Variants in PHF11 observed in about 807,000 individuals in gnomAD.
PHF11 encodes PHD finger protein 11.
A neutral mutation model predicts 40.5 loss-of-function variants in PHF11; 38 were observed. The ratio of observed to expected loss-of-function variants is 0.94; its 90% CI spans 0.72 to 1.23. The LOEUF (loss-of-function observed/expected upper bound fraction) is 1.23. PHF11 is among the 50% of genes most tolerant of loss of function. PHF11 has a pLI of 0.00. For missense variants in PHF11, 369 were observed against 392.4 expected (o/e 0.94, Z 0.50); for synonymous variants, 127 against 138.2 (o/e 0.92, Z 0.57).
chr13:49,521,488 A>G (rs1385374948), intron 5 of PHF11: 1 of 986,440 alleles, frequency 1.0e-6, no homozygotes, highest in Non-Finnish European at 1.2e-6. Context: ...CGTCATGCCA[A>G]CTGCATTTTA....
At chr13:49,508,813 T>C (rs1258326025) in intron 2 of PHF11, among the ~76,000 whole-genome samples, 1 of 152,172 alleles carries the variant, frequency 6.6e-6, no homozygotes, top group Non-Finnish European at 1.5e-5. Context: ...ATAGCGGTGA[T>C]TACAAGCAAT....
intron 9 of PHF11, among the ~76,000 whole-genome samples, chr13:49,527,527 C>T (rs74076058): frequency 0.012 from 1,820 of 152,300 alleles, 31 homozygotes; most frequent in African/African-American, 0.041. Flanking sequence ...GAATTTTTTA[C>T]TACATTTATA....
chr13:49,502,891 T>A (rs778027126), intron 1 of PHF11, among the ~76,000 whole-genome samples: 1 of 149,482 alleles, frequency 6.7e-6, no homozygotes, highest in Non-Finnish European at 1.5e-5. Flanking sequence ...CCTAGCTAAT[T>A]TTTTTTTTTA....
At chr13:49,513,411 A>T (rs868347979) in intron 3 of PHF11, among the ~76,000 whole-genome samples, 9 of 150,418 alleles carry the variant, frequency 6.0e-5, no homozygotes, top group African/African-American at 2.2e-4. Flanking sequence ...GCTCACTGCA[A>T]CCTCCGCCTC....
At chr13:49,504,485 C>G (rs1354086938) in intron 1 of PHF11, among the ~76,000 whole-genome samples, 2 of 63,406 alleles carry the variant, frequency 3.2e-5, no homozygotes, top group African/African-American at 8.0e-5. Context: ...GCCCCCCGCC[C>G]GGCCAGCCGC....
Position 49,496,106 on chromosome 13 carries a change from C to CG in PHF11, c.94+16dup. 1 of 283,050 alleles carries CG rather than the reference C, an allele frequency of 3.5e-6. No homozygotes were observed. The highest frequency in any genetic ancestry group is 5.1e-6 in the Non-Finnish European group (1 of 197,684). The allele number at this position is 283,050 out of a possible 1,614,324, so 17.5% of individuals were successfully genotyped here. On this transcript the variant is annotated intron_variant, in intron 1 of 9. Coordinates refer to ENST00000378319, the MANE Select transcript of PHF11 (RefSeq NM_001040443.3). ...TCCTCCTTCCCACCGGTGTGTACCGCGGGGGCGGGCGGGCGGGCGGGCGGG... is the reference window on the plus strand; with the variant it reads ...TCCTCCTTCCCACCGGTGTGTACCGCGGGGGGCGGGCGGGCGGGCGGGCGGG...
intron 9 of PHF11, among the ~76,000 whole-genome samples, chr13:49,526,771 C>T (rs141687098): frequency 7.9e-5 from 12 of 152,052 alleles, no homozygotes; most frequent in East Asian, 3.8e-4. Flanking sequence ...TATATACACA[C>T]AAATACTTTT....
intron 1 of PHF11, 76 bp from the exon 2 acceptor site, chr13:49,506,559 C>G: frequency 7.4e-7 from 1 of 1,353,100 alleles, no homozygotes. Flanking sequence ...CTGCCTTCCA[C>G]TTGAAGACTG....
chr13:49,528,685 C>A lies in PHF11; in HGVS notation c.*20C>A, dbSNP rs770982730. On this transcript the variant is annotated 3_prime_UTR_variant, in exon 10 of 10. Coordinates refer to ENST00000378319, the MANE Select transcript of PHF11 (RefSeq NM_001040443.3). ...TATTAGGGATTACCGTTTCCTAAGC[C>A]AAGAGTCATGTCAAATTGCAATCAG... 6.4e-7 allele frequency: 1 copy of A among 1,554,684 alleles called. No homozygotes were observed. Among genetic ancestry groups the A allele is most frequent in the Non-Finnish European group, 8.7e-7 (1 of 1,145,414 alleles).
rs945938240 is a variant in PHF11, at chr13:49,513,050, A to T, written c.217-9A>T. The T allele has an allele frequency of 7.2e-7, 1 of 1,395,198 alleles. No homozygotes were observed. Among genetic ancestry groups the T allele is most frequent in the Admixed American group, 1.9e-5 (1 of 52,642 alleles). The allele number at this position is 1,395,198 out of a possible 1,614,324, so 86.4% of individuals were successfully genotyped here. On this transcript the variant is annotated splice_polypyrimidine_tract_variant and intron_variant, in intron 2 of 9. Coordinates refer to ENST00000378319, the MANE Select transcript of PHF11 (RefSeq NM_001040443.3). ...GTGCATACTCTGGATTTTTTTTTCC[A>T]ATCTGCAGCTGTATTCTTCAGGACT...
At chr13:49,504,577 G>A (rs1310480288) in intron 1 of PHF11, among the ~76,000 whole-genome samples, 5 of 130,884 alleles carry the variant, frequency 3.8e-5, no homozygotes, top group African/African-American at 8.8e-5. Context: ...CAGCCGCCCC[G>A]TCCGGGAGGG....
intron 1 of PHF11, among the ~76,000 whole-genome samples, chr13:49,498,236 T>C (rs1450916332): frequency 2.6e-5 from 4 of 152,264 alleles, no homozygotes; most frequent in Non-Finnish European, 4.4e-5. Flanking sequence ...GTTGAAGGAA[T>C]GAATGTACTT....
rs1678736612 is a variant in PHF11 at position 49,528,832 on chromosome 13, TTG to T, written c.*171_*172del. 3.7e-6 allele frequency: 2 copies of T among 542,792 alleles called. No homozygotes were observed. Among genetic ancestry groups the T allele is most frequent in the Non-Finnish European group, 6.5e-6 (2 of 309,466 alleles). The allele number at this position is 542,792 out of a possible 1,614,324, so 33.6% of individuals were successfully genotyped here. A position where few individuals can be genotyped will look rare whatever the true frequency, so the allele number is the denominator to read the frequency against. ...CATTTTGATCACTCTTTGCACACTC[TTG>T]TGTTTTTTGCTCACTGTCACATTCC... On this transcript the variant is annotated 3_prime_UTR_variant, in exon 10 of 10. Coordinates refer to ENST00000378319, the MANE Select transcript of PHF11 (RefSeq NM_001040443.3).
intron 3 of PHF11, among the ~76,000 whole-genome samples, chr13:49,513,540 A>G (rs1460240983): frequency 6.6e-6 from 1 of 152,074 alleles, no homozygotes; most frequent in Non-Finnish European, 1.5e-5. Flanking sequence ...CATGTTGGCC[A>G]GGCTGGTCGC....
rs555836452 is a variant in PHF11, at chr13:49,497,689, C to T, written c.94+1594C>T. 3.9e-5 allele frequency among the ~76,000 whole-genome samples: 6 copies of T among 152,262 alleles called. No individual in the cohort carries two copies. The East Asian group carries it at 1.2e-3, about 29-fold the overall frequency. On this transcript the variant is annotated intron_variant, in intron 1 of 9. Coordinates refer to ENST00000378319, the MANE Select transcript of PHF11 (RefSeq NM_001040443.3). Reference sequence around the variant, plus strand: ...CAAATGTGATTCTCCTACTCAAAACCCACCAATAGTCTCCCATGACTCTCA... The same window carrying T: ...CAAATGTGATTCTCCTACTCAAAACTCACCAATAGTCTCCCATGACTCTCA...
chr13:49,525,075 A>C (rs531086968), intron 8 of PHF11, among the ~76,000 whole-genome samples: 1 of 152,272 alleles, frequency 6.6e-6, no homozygotes, highest in South Asian at 2.1e-4. Flanking sequence ...TAATAAGCCA[A>C]GTGTCCTTTT....
At chr13:49,528,450 T>C in intron 9 of PHF11, 61 bp from the exon 10 acceptor site, 1 of 1,199,422 alleles carries the variant, frequency 8.3e-7, no homozygotes, top group Non-Finnish European at 1.2e-6. Context: ...CTAGAAATGG[T>C]ACATTATTTC....
rs1011487180 is a variant in PHF11 at position 49,497,093 on chromosome 13, G to A, written c.94+998G>A. 5 of 1,284,494 alleles carry A rather than the reference G, an allele frequency of 3.9e-6. No homozygotes were observed. In the Admixed American group the frequency reaches 6.9e-5, roughly 18 times the overall value. 79.6% of individuals were successfully genotyped at this position (1,284,494 alleles called of 1,614,324 possible). Reference sequence around the variant, plus strand: ...CCAAAGGTGGAAAAGTTGAAGGGGTGTTCCCAGCAGAGAGGATGACACAAA... The same window carrying A: ...CCAAAGGTGGAAAAGTTGAAGGGGTATTCCCAGCAGAGAGGATGACACAAA... On this transcript the variant is annotated intron_variant, in intron 1 of 9. Transcript: ENST00000378319.
At chr13:49,498,113 T>C (rs527620835) in intron 1 of PHF11, among the ~76,000 whole-genome samples, 7 of 152,350 alleles carry the variant, frequency 4.6e-5, no homozygotes, top group Non-Finnish European at 1.0e-4. Flanking sequence ...GCATGTAAAT[T>C]CGTCTTACTC....
Sources: gnomAD v4.1 joint callset for allele counts (sites outside exome capture counted in the v4.1 genomes callset) on GRCh38, gnomAD v4.1.1 for gene constraint, MANE v1.5 for transcripts, NCBI Gene and HGNC (gene_info 2026-07-23, HGNC 2026-07-21) for gene names.